The following SNED1 variants were observed in gnomAD, a reference collection of about 807,000 sequenced individuals.
SNED1 encodes sushi, nidogen and EGF like domains 1.
A neutral mutation model predicts 166.7 loss-of-function variants in SNED1; 81 were observed. The ratio of observed to expected loss-of-function variants is 0.49; its 90% CI spans 0.41 to 0.58. SNED1 has a LOEUF of 0.58. Among genes scored for constraint, SNED1 ranks in the 20% least tolerant of loss-of-function variants. The pLI is 0.00. For synonymous variants in SNED1, 762 were observed against 822.0 expected (o/e 0.93, Z 1.25); for missense variants, 1,604 against 2,000.2 (o/e 0.80, Z 3.78).
Position 241,051,801 on chromosome 2 carries a change from C to T in SNED1, c.1793C>T (p.Ala598Val), listed in dbSNP as rs755529580. The part of the protein sequence containing the change: ...PCRNGGTCKE[A>V]GGEYHCSCPY... ...CGGAACGGGGGCACGTGCAAGGAGG[C>T]GGGCGGCGAGTACCACTGCAGCTGC... The change falls in exon 13 of 32, where the codon GCG becomes GTG. Residue 598 changes from alanine to valine, a missense_variant. Physicochemically the swap from Ala to Val is moderately conservative, Grantham distance 64 (BLOSUM62 0). Around this residue, in one of 2 missense-constraint regions of SNED1, gnomAD observed 1,237 missense variants for 1,620.8 expected, o/e 0.76. Coordinates refer to ENST00000310397, the MANE Select transcript of SNED1 (RefSeq NM_001080437.3). This position sits in a 1 kb window ranked among gnomAD's most constrained non-coding sequence, Gnocchi z 4.7. 7.0e-6 allele frequency: 11 copies of T among 1,560,748 alleles called. No homozygotes were observed. The highest frequency in any genetic ancestry group is 5.4e-5 in the African/African-American group (4 of 73,876).
intron 1 of SNED1, among the ~76,000 whole-genome samples, chr2:241,029,604 A>G (rs2061097666): frequency 6.6e-6 from 1 of 152,222 alleles, no homozygotes; most frequent in Non-Finnish European, 1.5e-5. Flanking sequence ...GAGCACAGAG[A>G]GGTCGGCAGC....
Position 240,998,888 on chromosome 2 carries a change from TG to T in SNED1, c.55del (p.Ala19ArgfsTer54). ...ALLVAAALGLGARGVRGAVAL... is the reference protein window; with the variant it reads ...ALLVAAALGLXARGVRGAVAL... ...TGCTGGTGGCCGCGGCCCTGGGGCT[TG>T]GGGCGCGCGGGGTGCGCGGCGCGGT... On this transcript the variant is annotated frameshift_variant, in exon 1 of 32. Coordinates refer to ENST00000310397, the MANE Select transcript of SNED1 (RefSeq NM_001080437.3). LOFTEE classifies it high-confidence loss of function. The T allele has an allele frequency of 8.2e-7, 1 of 1,224,196 alleles. No individual in the cohort carries two copies. The highest frequency in any genetic ancestry group is 1.0e-6 in the Non-Finnish European group (1 of 983,416). 75.8% of individuals were successfully genotyped at this position (1,224,196 alleles called of 1,614,324 possible).
chr2:241,012,101 A>T (rs1044444543), intron 1 of SNED1, among the ~76,000 whole-genome samples: 1 of 152,176 alleles, frequency 6.6e-6, no homozygotes, highest in African/African-American at 2.4e-5. Flanking sequence ...CTCAGGAGCC[A>T]AGCAGGGAGT....
At chr2:241,071,513 A>C in intron 24 of SNED1, 63 bp from the exon 25 acceptor site, 1 of 1,527,164 alleles carries the variant, frequency 6.5e-7, no homozygotes, top group South Asian at 1.2e-5. Flanking sequence ...CCCATGCCAC[A>C]GGGGCAGGGA....
intron 1 of SNED1, among the ~76,000 whole-genome samples, chr2:241,017,177 CATTTTAT>C (rs1247714068): frequency 6.6e-6 from 1 of 152,140 alleles, no homozygotes; most frequent in Non-Finnish European, 1.5e-5. Context: ...GAACATTTTT[CATTTTAT>C]ATAAAATGTC....
At chr2:241,061,202 G>T (rs888320130) in intron 16 of SNED1, among the ~76,000 whole-genome samples, 1 of 148,578 alleles carries the variant, frequency 6.7e-6, no homozygotes, top group Non-Finnish European at 1.5e-5. Context: ...TAGGAAAATA[G>T]AAAAAAAAAC....
At chr2:241,063,296 CA>C in intron 17 of SNED1, 1 of 509,688 alleles carries the variant, frequency 2.0e-6, no homozygotes, top group Non-Finnish European at 3.6e-6. Flanking sequence ...CCAGGGAGGG[CA>C]AGGCCCAGGG....
chr2:241,048,211 T>C, intron 8 of SNED1, 104 bp from the exon 9 acceptor site: 1 of 1,332,164 alleles, frequency 7.5e-7, no homozygotes, highest in Non-Finnish European at 1.0e-6. Flanking sequence ...CACTTGGGAA[T>C]GACAACAGAG....
In SNED1 at chr2:241,073,478, A is replaced by C; in HGVS notation, c.3916+114A>C. ...TGAGGAATCAGGAGGCACAGAGCCT[A>C]CCTGAGGGGAGGCTGAGCACCAGGC... On this transcript the variant is annotated intron_variant, in intron 27 of 31. Transcript: ENST00000310397. The surrounding 1 kb of genome is among the most constrained non-coding windows in gnomAD (Gnocchi z 6.6). 9.3e-6 allele frequency: 8 copies of C among 862,202 alleles called. No homozygotes were observed. The highest frequency in any genetic ancestry group is 1.5e-5 in the Non-Finnish European group (8 of 522,914). The allele number at this position is 862,202 out of a possible 1,614,324, so 53.4% of individuals were successfully genotyped here.
rs1268814067 is a variant in SNED1 at position 241,068,023 on chromosome 2, C to T, written c.3194+76C>T. ...GCTCGGGGACACGGGGCCCAGGTCT[C>T]GGGCACATTCTCCGTGTGTGGACTG... On this transcript the variant is annotated intron_variant, in intron 22 of 31. Coordinates refer to ENST00000310397, the MANE Select transcript of SNED1 (RefSeq NM_001080437.3). This position sits in a 1 kb window ranked among gnomAD's most constrained non-coding sequence, Gnocchi z 5.3. 23 of 1,352,612 alleles carry T rather than the reference C, an allele frequency of 1.7e-5. No homozygotes were observed. In the East Asian group the frequency reaches 4.1e-4, roughly 24 times the overall value. 83.8% of individuals were successfully genotyped at this position (1,352,612 alleles called of 1,614,324 possible).
chr2:241,023,877 CT>C (rs1043495984), intron 1 of SNED1, among the ~76,000 whole-genome samples: 5 of 107,210 alleles, frequency 4.7e-5, no homozygotes, highest in African/African-American at 1.2e-4. Context: ...CTCTTTTTTT[CT>C]TTTTTTTTCC....
chr2:241,060,129 A>G (rs537597134), intron 16 of SNED1, among the ~76,000 whole-genome samples: 2 of 152,360 alleles, frequency 1.3e-5, no homozygotes, highest in African/African-American at 2.4e-5. Context: ...AAAACATGAT[A>G]AATTTTTAAA....
intron 1 of SNED1, among the ~76,000 whole-genome samples, chr2:241,011,389 G>GCCCCAGA (rs2060397030): frequency 6.6e-6 from 1 of 151,840 alleles, no homozygotes; most frequent in South Asian, 2.1e-4. Flanking sequence ...CTGGCCTCAG[G>GCCCCAGA]CCCCAGACCC....
At chr2:241,060,678 C>T (rs1301264179) in intron 16 of SNED1, among the ~76,000 whole-genome samples, 1 of 152,162 alleles carries the variant, frequency 6.6e-6, no homozygotes, top group Non-Finnish European at 1.5e-5. Flanking sequence ...GCACATGGCT[C>T]ATGCCTATAA....
chr2:241,047,089 G>A (rs1393111086), intron 8 of SNED1, among the ~76,000 whole-genome samples: 1 of 147,322 alleles, frequency 6.8e-6, no homozygotes, highest in East Asian at 2.0e-4. Flanking sequence ...AGGTTGCAGT[G>A]AGCCGAGATC....
intron 27 of SNED1, among the ~76,000 whole-genome samples, chr2:241,077,445 C>T (rs1414597104): frequency 6.6e-6 from 1 of 152,160 alleles, no homozygotes; most frequent in African/African-American, 2.4e-5. Flanking sequence ...CTTAAAACTT[C>T]TGTGCCTCAA....
chr2:241,002,114 T>C (rs1404411836), intron 1 of SNED1, among the ~76,000 whole-genome samples: 5 of 152,156 alleles, frequency 3.3e-5, no homozygotes, highest in African/African-American at 1.2e-4. Context: ...GACCTTTGCC[T>C]GGTCATTTCC....
In SNED1 at chr2:241,088,458, G is replaced by A. The variant is rs1349401094; in HGVS notation, c.*1+56G>A. On this transcript the variant is annotated intron_variant, in intron 31 of 31. Coordinates refer to ENST00000310397, the MANE Select transcript of SNED1 (RefSeq NM_001080437.3). Reference sequence around the variant, plus strand: ...ACAGAGCTGCTGGGAAGTGGGGGGCGACTGCCCAGCCCCGGGATCTCAGAG... The same window carrying A: ...ACAGAGCTGCTGGGAAGTGGGGGGCAACTGCCCAGCCCCGGGATCTCAGAG... 9.9e-6 allele frequency: 14 copies of A among 1,419,920 alleles called. No individual in the cohort carries two copies. The Admixed American group carries it at 1.2e-4, about 12-fold the overall frequency. The allele number at this position is 1,419,920 out of a possible 1,614,324, so 88.0% of individuals were successfully genotyped here. A position where few individuals can be genotyped will look rare whatever the true frequency, so the allele number is the denominator to read the frequency against.
In SNED1 at chr2:241,026,142, A is replaced by T. The variant is rs2060962613; in HGVS notation, c.214-4142A>T. ...GCAATTCTCCTGCCTCAGCCTCCTG[A>T]GTAGCTGGGATTACAGGCACCCAAC... is the stretch of plus-strand genomic sequence containing the variant. On this transcript the variant is annotated intron_variant, in intron 1 of 31. Coordinates refer to ENST00000310397, the MANE Select transcript of SNED1 (RefSeq NM_001080437.3). Among the ~76,000 whole-genome samples the T allele has an allele frequency of 2.0e-5, 3 of 147,548 alleles. No homozygotes were observed. The Admixed American group carries it at 2.1e-4, about 10-fold the overall frequency.
Sources: allele counts gnomAD v4.1 joint callset (sites outside exome capture counted in the v4.1 genomes callset), GRCh38; gene constraint gnomAD v4.1.1; regional missense constraint gnomAD v4.1.1; non-coding constraint Gnocchi (gnomAD v3.1); transcripts MANE v1.5; gene names NCBI Gene and HGNC (gene_info 2026-07-23, HGNC 2026-07-21).